ZNF385B: variants seen among roughly 807,000 people sequenced by gnomAD.
The protein encoded by ZNF385B is zinc finger protein 385B, also known as zinc finger protein 533.
A neutral mutation model predicts 39.2 loss-of-function variants in ZNF385B; 23 were observed. The observed-to-expected ratio is 0.59, with a 90% CI of 0.42 to 0.83. The LOEUF is 0.83. ZNF385B is among the 40% of genes least tolerant of loss of function. The pLI, the probability that ZNF385B is intolerant of heterozygous loss-of-function variation, is 0.00. For missense variants in ZNF385B, 552 were observed against 598.9 expected, an observed-to-expected ratio of 0.92 and a Z score of 0.82; for synonymous variants, 205 against 222.6, an observed-to-expected ratio of 0.92 and a Z score of 0.70.
At chr2:179,770,271 A>T (rs1054424653) in intron 2 of ZNF385B, among the ~76,000 whole-genome samples, 2 of 152,140 alleles carry the variant, frequency 1.3e-5, no homozygotes, top group African/African-American at 4.8e-5. Flanking sequence ...TTACAGTATG[A>T]GCTCTATGAG....
intron 3 of ZNF385B, among the ~76,000 whole-genome samples, chr2:179,727,423 C>G (rs897647432): frequency 6.6e-6 from 1 of 151,956 alleles, no homozygotes; most frequent in East Asian, 1.9e-4. Context: ...TAATGACACA[C>G]TTGGGAAGTC....
At chr2:179,586,150 T>C (rs1214562685) in intron 3 of ZNF385B, among the ~76,000 whole-genome samples, 3 of 152,234 alleles carry the variant, frequency 2.0e-5, no homozygotes, top group Non-Finnish European at 4.4e-5. Context: ...ATCTGGGTAG[T>C]GGCATTCAAA....
intron 1 of ZNF385B, among the ~76,000 whole-genome samples, chr2:179,802,946 A>T (rs1182043480): frequency 1.3e-5 from 2 of 152,198 alleles, no homozygotes; most frequent in African/African-American, 2.4e-5. Flanking sequence ...AGTAAATTAA[A>T]AAAACGCAAT....
intron 5 of ZNF385B, among the ~76,000 whole-genome samples, chr2:179,499,811 T>G (rs1277924944): frequency 6.6e-6 from 1 of 151,940 alleles, no homozygotes; most frequent in Non-Finnish European, 1.5e-5. Context: ...AAGAGAAGGA[T>G]ATAAAGGACC....
At position 179,808,181 on chromosome 2, in the gene ZNF385B, C is replaced by T. The variant is rs1393101620; in HGVS notation, c.-154-37509G>A. Reference sequence around the variant, plus strand: ...CCCAGCAGCTGGGACTACAGGCGCACGCCGCCACGCCTGGCTAATTTTTTG... The same window carrying T: ...CCCAGCAGCTGGGACTACAGGCGCATGCCGCCACGCCTGGCTAATTTTTTG... On this transcript the variant is annotated intron_variant, in intron 1 of 9. Coordinates refer to ENST00000410066, the MANE Select transcript of ZNF385B (RefSeq NM_152520.6). Among the ~76,000 whole-genome samples the T allele has an allele frequency of 5.9e-5, 9 of 151,746 alleles. No homozygotes were observed. In the South Asian group the frequency reaches 1.3e-3, roughly 21 times the overall value.
At chr2:179,573,092 C>A (rs1685415716) in intron 3 of ZNF385B, among the ~76,000 whole-genome samples, 1 of 152,108 alleles carries the variant, frequency 6.6e-6, no homozygotes, top group Admixed American at 6.6e-5. Flanking sequence ...CAAGAATCTG[C>A]TCTCAAGTAT....
At chr2:179,784,703 C>T (rs1206353413) in intron 1 of ZNF385B, among the ~76,000 whole-genome samples, 1 of 152,050 alleles carries the variant, frequency 6.6e-6, no homozygotes, top group Non-Finnish European at 1.5e-5. Context: ...CACTCCACCT[C>T]ATTTGTCATC....
chr2:179,609,974 T>C lies in ZNF385B; in HGVS notation c.299-65005A>G, dbSNP rs115427628. ...TTCTGGTTATTAATCCCATGTCAGA[T>C]GGATACTTCGCAAATATTTTCTTCC... On this transcript the variant is annotated intron_variant, in intron 3 of 9. Transcript: ENST00000410066. 8.4e-3 allele frequency among the ~76,000 whole-genome samples: 1,282 copies of C among 152,340 alleles called. 19 individuals carry two copies. Among genetic ancestry groups the C allele is most frequent in the African/African-American group, 0.03 (1,233 of 41,582 alleles).
intron 3 of ZNF385B, among the ~76,000 whole-genome samples, chr2:179,595,099 T>A (rs989178185): frequency 6.6e-6 from 1 of 152,196 alleles, no homozygotes; most frequent in Non-Finnish European, 1.5e-5. Context: ...ACTTTACTAT[T>A]AATCACCCAA....
chr2:179,848,476 T>C (rs1293365198), intron 1 of ZNF385B, among the ~76,000 whole-genome samples: 1 of 152,242 alleles, frequency 6.6e-6, no homozygotes, highest in Admixed American at 6.5e-5. Flanking sequence ...GTTTGTTCTT[T>C]ACAACCTGAA....
intron 3 of ZNF385B, among the ~76,000 whole-genome samples, chr2:179,723,561 T>C (rs1263325703): frequency 6.6e-6 from 1 of 152,166 alleles, no homozygotes; most frequent in African/African-American, 2.4e-5. Context: ...TTAAAAATTA[T>C]ATTATGGATG....
At chr2:179,681,359 C>T (rs566367606) in intron 3 of ZNF385B, among the ~76,000 whole-genome samples, 1 of 152,232 alleles carries the variant, frequency 6.6e-6, no homozygotes, top group South Asian at 2.1e-4. Flanking sequence ...GGTAGCATAA[C>T]CAAACTGTTC....
intron 3 of ZNF385B, among the ~76,000 whole-genome samples, chr2:179,656,929 C>CCTAA (rs1345959702): frequency 6.6e-6 from 1 of 152,078 alleles, no homozygotes; most frequent in African/African-American, 2.4e-5. Flanking sequence ...ATTGTATGGG[C>CCTAA]TTAGAGCTTT....
chr2:179,502,656 TA>T (rs1199414502), intron 5 of ZNF385B, among the ~76,000 whole-genome samples: 1 of 152,164 alleles, frequency 6.6e-6, no homozygotes, highest in Non-Finnish European at 1.5e-5. Flanking sequence ...ATTAGTTGAT[TA>T]ATTCTCTTTT....
intron 4 of ZNF385B, among the ~76,000 whole-genome samples, chr2:179,537,436 T>A (rs1279387198): frequency 6.6e-6 from 1 of 151,862 alleles, no homozygotes; most frequent in African/African-American, 2.4e-5. Context: ...ACTTTTTCTC[T>A]CTGTCAAATT....
chr2:179,777,185 A>G (rs1379235965), intron 1 of ZNF385B, among the ~76,000 whole-genome samples: 1 of 151,936 alleles, frequency 6.6e-6, no homozygotes, highest in Non-Finnish European at 1.5e-5. Context: ...AATGATGTCA[A>G]TAATGAGAAC....
chr2:179,754,554 T>C (rs1702889040), intron 3 of ZNF385B, among the ~76,000 whole-genome samples: 1 of 152,182 alleles, frequency 6.6e-6, no homozygotes, highest in Admixed American at 6.5e-5. Context: ...TGTAAATCCA[T>C]CTGTCCTGGA....
chr2:179,594,668 C>T (rs907311071), intron 3 of ZNF385B, among the ~76,000 whole-genome samples: 3 of 152,112 alleles, frequency 2.0e-5, no homozygotes, highest in Admixed American at 6.5e-5. Flanking sequence ...ATTTTTGAAG[C>T]CAGTTCAGAT....
intron 5 of ZNF385B, among the ~76,000 whole-genome samples, chr2:179,487,074 C>T (rs2054651406): frequency 6.6e-6 from 1 of 152,230 alleles, no homozygotes; most frequent in African/African-American, 2.4e-5. Flanking sequence ...ACATATGGTT[C>T]TCTAAATAAA....
Sources: allele counts gnomAD v4.1 joint callset (sites outside exome capture counted in the v4.1 genomes callset), GRCh38; gene constraint gnomAD v4.1.1; transcripts MANE v1.5; gene names NCBI Gene and HGNC (gene_info 2026-07-23, HGNC 2026-07-21).